The following NPRL3 variants were observed in gnomAD, a reference collection of about 807,000 sequenced individuals.
NPRL3 encodes GATOR1 complex protein NPRL3.
A neutral mutation model predicts 57.2 loss-of-function variants in NPRL3; 23 were observed. That is an observed-to-expected ratio of 0.40 (90% CI 0.29 to 0.57). The LOEUF (loss-of-function observed/expected upper bound fraction) is 0.57. Ranked by LOEUF, NPRL3 falls within the 20% of genes least tolerant of loss-of-function variation. NPRL3 has a pLI of 0.42. For missense variants in NPRL3, 691 were observed against 767.1 expected (o/e 0.90, Z 1.17); for synonymous variants, 333 against 321.1 (o/e 1.04, Z -0.39).
At position 88,701 on chromosome 16, in the gene NPRL3, G is replaced by C. The variant is rs780415806; in HGVS notation, c.1541C>G (p.Ala514Gly). The C allele has an allele frequency of 1.2e-6, 2 of 1,606,964 alleles. No individual in the cohort carries two copies. Among genetic ancestry groups the C allele is most frequent in the Admixed American group, 3.3e-5 (2 of 59,762 alleles). Reference protein sequence around the residue: ...AQNPEDLRMFARLLHYFRGRH... With the variant: ...AQNPEDLRMFGRLLHYFRGRH... ...CAACGGGTCAACCTACACCCACCTG[G>C]CAAACATGCGGAGGTCCTCAGGGTT... The change falls in exon 13 of 14, where the codon GCC (alanine) becomes GGC (glycine). Residue 514 changes from alanine to glycine, a missense_variant. Transcript: ENST00000611875.
intron 2 of NPRL3, 33 bp from the exon 3 acceptor site, chr16:130,624 G>A: frequency 6.5e-7 from 1 of 1,548,962 alleles, no homozygotes; most frequent in Non-Finnish European, 8.7e-7. Context: ...GAAGGGCTAA[G>A]AAAACAGGGT....
chr16:110,335 T>C (rs1373634040), intron 7 of NPRL3, among the ~76,000 whole-genome samples, 190 bp downstream of exon 7: 3 of 152,032 alleles, frequency 2.0e-5, no homozygotes, highest in Admixed American at 6.6e-5. Flanking sequence ...CCAAGGTCAC[T>C]TCTTTCAAGA....
rs573956032 is a variant in NPRL3 at position 102,214 on chromosome 16, G to C, written c.630-1705C>G. Among the ~76,000 whole-genome samples the C allele has an allele frequency of 5.4e-4, 82 of 152,314 alleles. 1 individual carries two copies. The highest frequency in any genetic ancestry group is 1.9e-3 in the African/African-American group (79 of 41,562). ...GCTTCTAAAACTCCCTGATGGAGAA[G>C]CCAGGGCGCCACCCAACTCCACCGC... On this transcript the variant is annotated intron_variant, in intron 7 of 13. Transcript: ENST00000611875.
intron 2 of NPRL3, among the ~76,000 whole-genome samples, chr16:134,694 A>ATTATTATTATTATTATTTTTTTTTT (rs1346965930): frequency 2.9e-5 from 3 of 103,412 alleles, no homozygotes; most frequent in African/African-American, 1.0e-4. Context: ...AATTATTATT[A>ATTATTATTATTATTATTTTTTTTTT]TTTTTTTTTT....
intron 8 of NPRL3, 145 bp downstream of exon 8, chr16:100,227 A>G (rs1899217656): frequency 1.2e-6 from 1 of 833,770 alleles, no homozygotes; most frequent in Non-Finnish European, 1.7e-6. Flanking sequence ...TTTAACTTCT[A>G]TAAACGGCAG....
chr16:87,508 A>G (rs181544535), intron 13 of NPRL3, among the ~76,000 whole-genome samples: 169 of 148,304 alleles, frequency 1.1e-3, no homozygotes, highest in Admixed American at 2.9e-3. Flanking sequence ...AAGTGCTGAG[A>G]TTATAACCGT....
At chr16:124,111 AT>A (rs11284031) in intron 3 of NPRL3, among the ~76,000 whole-genome samples, 147,360 of 147,984 alleles carry the variant, frequency 1, 73,368 homozygotes, top group Admixed American at 1. Flanking sequence ...CACTCCCAAC[AT>A]GTGAGAAACA....
chr16:94,313 C>T (rs1160392675), intron 9 of NPRL3, among the ~76,000 whole-genome samples: 1 of 152,194 alleles, frequency 6.6e-6, no homozygotes, highest in Non-Finnish European at 1.5e-5. Flanking sequence ...GTGTGAAATC[C>T]TAAGCTCTCG....
Position 86,612 on chromosome 16 carries a change from G to A in NPRL3, c.*93C>T. The A allele has an allele frequency of 7.6e-7, 1 of 1,324,472 alleles. No individual in the cohort carries two copies. Among genetic ancestry groups the A allele is most frequent in the Non-Finnish European group, 1.0e-6 (1 of 978,734 alleles). 82.0% of individuals were successfully genotyped at this position (1,324,472 alleles called of 1,614,324 possible). A position where few individuals can be genotyped will look rare whatever the true frequency, so the allele number is the denominator to read the frequency against. Reference sequence around the variant, plus strand: ...ACCCAATGCCAGGCCTCAGGGCCAAGAGGGCTCAGCCTCAGCACGGGGGGA... The same window carrying A: ...ACCCAATGCCAGGCCTCAGGGCCAAAAGGGCTCAGCCTCAGCACGGGGGGA... On this transcript the variant is annotated 3_prime_UTR_variant, in exon 14 of 14. Coordinates refer to ENST00000611875, the MANE Select transcript of NPRL3 (RefSeq NM_001077350.3).
intron 13 of NPRL3, 36 bp from the exon 14 acceptor site, chr16:86,906 A>C (rs573755261): frequency 6.3e-7 from 1 of 1,595,086 alleles, no homozygotes; most frequent in African/African-American, 1.3e-5. Context: ...CCAACCTGAC[A>C]CCAGCCCCCA....
At chr16:89,160 G>A in intron 12 of NPRL3, 1 of 470,394 alleles carries the variant, frequency 2.1e-6, no homozygotes, top group Non-Finnish European at 3.9e-6. Context: ...ACACCCCAAG[G>A]TGGGCCTGGG....
chr16:131,249 G>A (rs945744964), intron 2 of NPRL3, among the ~76,000 whole-genome samples: 33 of 152,280 alleles, frequency 2.2e-4, no homozygotes, highest in African/African-American at 7.2e-4. Context: ...GGAGGCCGAG[G>A]CGGGTGGATC....
At chr16:126,427 A>T (rs1197299512) in intron 3 of NPRL3, 3 of 38,880 alleles carry the variant, frequency 7.7e-5, no homozygotes, top group African/African-American at 1.9e-4. Flanking sequence ...GTCTCAAAAT[A>T]ATAATAATAA....
intron 13 of NPRL3, among the ~76,000 whole-genome samples, chr16:87,608 C>T (rs560844596): frequency 6.7e-6 from 1 of 149,754 alleles, no homozygotes; most frequent in South Asian, 2.1e-4. Context: ...GATCTGGGCT[C>T]ACTGCAACTC....
In NPRL3 at chr16:98,257, A is replaced by C; in HGVS notation, c.812T>G (p.Leu271Arg). 1 of 1,614,002 alleles carries C rather than the reference A, an allele frequency of 6.2e-7. No homozygotes were observed. The change falls in exon 9 of 14, where the codon CTG becomes CGG. Residue 271 changes from leucine (L) to arginine (R), a missense_variant. By Grantham distance (102) the Leu-to-Arg change is moderately radical. Transcript: ENST00000611875. Reference sequence around the variant, plus strand: ...GGAGCAGTCAATAGGAAGCTCACCCAGCAAGGACTTCTCATCACTGAGCAG... The same window carrying C: ...GGAGCAGTCAATAGGAAGCTCACCCCGCAAGGACTTCTCATCACTGAGCAG... ...LLLLSDEKSL[L>R]GELPIDCSPA...
chr16:134,694 ATTTTTTTTTTTTTT>A (rs34425237), intron 2 of NPRL3, among the ~76,000 whole-genome samples: 13 of 103,412 alleles, frequency 1.3e-4, no homozygotes, highest in Non-Finnish European at 2.0e-5. Context: ...AATTATTATT[ATTTTTTTTTTTTTT>A]TTTTTTTTTT....
At chr16:129,437 A>G (rs1900691605) in intron 3 of NPRL3, among the ~76,000 whole-genome samples, 1 of 152,160 alleles carries the variant, frequency 6.6e-6, no homozygotes, top group Non-Finnish European at 1.5e-5. Context: ...TCGCCCTTCC[A>G]AAGCCCACTC....
Position 85,941 on chromosome 16 carries a change from G to A in NPRL3, c.*764C>T, listed in dbSNP as rs969981266. On this transcript the variant is annotated 3_prime_UTR_variant, in exon 14 of 14. Coordinates refer to ENST00000611875, the MANE Select transcript of NPRL3 (RefSeq NM_001077350.3). ...AGAGCTGGGGGCCTGAGTACGTAGCGCCAGGCCCGGTGTGGATGCTGGGGA... is the reference window on the plus strand; with the variant it reads ...AGAGCTGGGGGCCTGAGTACGTAGCACCAGGCCCGGTGTGGATGCTGGGGA... 2.3e-5 allele frequency: 19 copies of A among 811,800 alleles called. No homozygotes were observed. Among genetic ancestry groups the A allele is most frequent in the Middle Eastern group, 3.9e-4 (1 of 2,568 alleles). 50.3% of individuals were successfully genotyped at this position (811,800 alleles called of 1,614,324 possible).
chr16:100,637 C>T, intron 7 of NPRL3, 128 bp from the exon 8 acceptor site: 2 of 895,518 alleles, frequency 2.2e-6, no homozygotes, highest in Non-Finnish European at 3.0e-6. Context: ...GAGACCCGGG[C>T]AGGAGAGCAT....
Sources: gnomAD v4.1 joint callset for allele counts (sites outside exome capture counted in the v4.1 genomes callset) on GRCh38, gnomAD v4.1.1 for gene constraint, MANE v1.5 for transcripts, NCBI Gene and HGNC (gene_info 2026-07-23, HGNC 2026-07-21) for gene names.